The following DIS3L variants were observed in gnomAD, a reference collection of about 807,000 sequenced individuals.
DIS3L encodes DIS3 like exosome 3'-5' exoribonuclease.
Under a neutral mutation model 120.3 loss-of-function variants are expected in DIS3L, and 100 were observed. The observed-to-expected ratio is 0.83, with a 90% CI of 0.71 to 0.98. The LOEUF is 0.98. DIS3L is among the 50% of genes least tolerant of loss of function. The probability of loss-of-function intolerance (pLI) is 0.00; values close to 1 mark genes in which losing one functional copy is unlikely to be tolerated. For missense variants in DIS3L, 1,196 were observed against 1,314.2 expected, an observed-to-expected ratio of 0.91 and a Z score of 1.39; for synonymous variants, 426 against 470.6, an observed-to-expected ratio of 0.91 and a Z score of 1.23.
intron 2 of DIS3L, among the ~76,000 whole-genome samples, chr15:66,296,758 A>G (rs376840122): frequency 2.3e-4 from 35 of 152,070 alleles, no homozygotes; most frequent in African/African-American, 4.8e-4. Flanking sequence ...TCCTTACCTC[A>G]TGATCCGCCT....
At chr15:66,323,810 T>C (rs1193653185) in intron 11 of DIS3L, among the ~76,000 whole-genome samples, 1 of 152,180 alleles carries the variant, frequency 6.6e-6, no homozygotes, top group African/African-American at 2.4e-5. Flanking sequence ...TTCTGTCTGC[T>C]AGCAGTGGGG....
intron 2 of DIS3L, among the ~76,000 whole-genome samples, chr15:66,303,827 C>T (rs1159050881): frequency 1.3e-5 from 2 of 152,050 alleles, no homozygotes; most frequent in Admixed American, 6.6e-5. Context: ...CGCGGTGGCT[C>T]ATGCCTGTAA....
At chr15:66,318,406 C>G in intron 7 of DIS3L, 43 bp from the exon 8 acceptor site, 1 of 1,586,258 alleles carries the variant, frequency 6.3e-7, no homozygotes, top group Non-Finnish European at 8.6e-7. Flanking sequence ...AGATAGATGG[C>G]ACCTAACCAG....
chr15:66,310,338 G>A (rs550549262), intron 4 of DIS3L, among the ~76,000 whole-genome samples: 1 of 152,288 alleles, frequency 6.6e-6, no homozygotes, highest in South Asian at 2.1e-4. Flanking sequence ...TCCTGCAGAG[G>A]ACAGTTGACT....
chr15:66,293,985 AC>A (rs1460000410), intron 1 of DIS3L: 1 of 991,242 alleles, frequency 1.0e-6, no homozygotes, highest in Non-Finnish European at 1.2e-6. Flanking sequence ...GGCCCGACAG[AC>A]CCGCACCCCA....
At chr15:66,321,639 G>A (rs1595750868) in intron 9 of DIS3L, among the ~76,000 whole-genome samples, 2 of 151,776 alleles carry the variant, frequency 1.3e-5, no homozygotes, top group East Asian at 1.9e-4. Flanking sequence ...AGTGGTGGGC[G>A]CCTATAATCC....
In DIS3L at chr15:66,331,894, A is replaced by G. The variant is rs781145069; in HGVS notation, c.2555A>G (p.Lys852Arg). The stretch of plus-strand genomic sequence containing the variant: ...TTACAGGCAGCACAGCATTCTCAGA[A>G]GCAGTCTACTGAGCTCTTCCAGTGC... ...NRNQAAQHSQ[K>R]QSTELFQCMY... is the part of the protein sequence containing the mutation. The change falls in exon 15 of 17, where the codon AAG becomes AGG. Residue 852 changes from lysine (K) to arginine (R), a missense_variant. Lys to Arg is a conservative substitution (Grantham distance 26). Transcript: ENST00000319212. The G allele has an allele frequency of 6.2e-7, 1 of 1,606,664 alleles. No individual in the cohort carries two copies. The highest frequency in any genetic ancestry group is 8.5e-7 in the Non-Finnish European group (1 of 1,176,406).
Position 66,315,044 on chromosome 15 carries a change from A to G in DIS3L, c.823A>G (p.Ser275Gly). ...GASSKDSDLV[S>G]DILIHGMKAR... ...TGCTGCCCCAAACACAGATTTAGTC[A>G]GTGACATCCTAATCCACGGGATGAA... Residue 275 changes from serine to glycine, a missense_variant, in exon 7 of 17, where the codon AGT (serine) becomes GGT (glycine). Physicochemically the swap from Ser to Gly is moderately conservative, Grantham distance 56 (BLOSUM62 0). Coordinates refer to ENST00000319212, the MANE Select transcript of DIS3L (RefSeq NM_001143688.3). The G allele has an allele frequency of 6.2e-7, 1 of 1,613,902 alleles. No homozygotes were observed. Among genetic ancestry groups the G allele is most frequent in the Non-Finnish European group, 8.5e-7 (1 of 1,179,810 alleles).
intron 8 of DIS3L, among the ~76,000 whole-genome samples, chr15:66,320,092 C>T (rs1470950200): frequency 6.6e-6 from 1 of 151,860 alleles, no homozygotes; most frequent in Non-Finnish European, 1.5e-5. Context: ...CCACTGCATT[C>T]CAGCCTGGTT....
intron 11 of DIS3L, 137 bp downstream of exon 11, chr15:66,323,722 AC>A: frequency 1.3e-6 from 1 of 779,418 alleles, no homozygotes; most frequent in Non-Finnish European, 2.1e-6. Flanking sequence ...TCTCAACCTC[AC>A]CCCCGACCCC....
At chr15:66,312,595 A>G (rs971708895) in intron 5 of DIS3L, among the ~76,000 whole-genome samples, 3 of 152,046 alleles carry the variant, frequency 2.0e-5, no homozygotes, top group African/African-American at 4.8e-5. Flanking sequence ...TGCCCCTTTC[A>G]AGGGCCTCTT....
intron 11 of DIS3L, among the ~76,000 whole-genome samples, chr15:66,324,946 AAG>A (rs2092920825): frequency 1.3e-5 from 2 of 152,138 alleles, no homozygotes; most frequent in Admixed American, 1.3e-4. Context: ...CTTGGTGGCA[AAG>A]AGTTTTTTTA....
intron 4 of DIS3L, among the ~76,000 whole-genome samples, chr15:66,310,521 A>G (rs1334391926): frequency 6.6e-6 from 1 of 152,224 alleles, no homozygotes; most frequent in African/African-American, 2.4e-5. Flanking sequence ...AGGGAAGCCT[A>G]GAATTCTCTG....
chr15:66,294,500 TG>T (rs2092564070), intron 1 of DIS3L: 1 of 987,004 alleles, frequency 1.0e-6, no homozygotes. Flanking sequence ...GCAGGTCTGG[TG>T]GGAAACCTCA....
At chr15:66,310,001 T>C (rs1049079467) in intron 4 of DIS3L, among the ~76,000 whole-genome samples, 1 of 152,112 alleles carries the variant, frequency 6.6e-6, no homozygotes, top group African/African-American at 2.4e-5. Context: ...TTTGTGAGAG[T>C]AGGATGACTG....
chr15:66,304,873 C>CCTAGGCAACA (rs2092686584), intron 2 of DIS3L, among the ~76,000 whole-genome samples: 2 of 142,810 alleles, frequency 1.4e-5, no homozygotes, highest in South Asian at 4.5e-4. Context: ...TGCACTCCAA[C>CCTAGGCAACA]CTAGGCAACA....
At chr15:66,294,546 G>A in intron 1 of DIS3L, 1 of 991,264 alleles carries the variant, frequency 1.0e-6, no homozygotes, top group Non-Finnish European at 1.2e-6. Flanking sequence ...CATTTTCTCT[G>A]TTCAATCTTT....
intron 12 of DIS3L, chr15:66,326,667 C>T: frequency 4.2e-6 from 1 of 239,286 alleles, no homozygotes; most frequent in Non-Finnish European, 8.2e-6. Flanking sequence ...GCAACCACCA[C>T]CTCCCAGGTT....
At chr15:66,293,512 C>T (rs1774644840), upstream of DIS3L, 23 of 1,255,014 alleles carry the variant, frequency 1.8e-5, 1 homozygote, top group Non-Finnish European at 2.2e-5. Flanking sequence ...GGAGCCGCGG[C>T]GCCTAGGGCC....
Sources: allele counts gnomAD v4.1 joint callset (sites outside exome capture counted in the v4.1 genomes callset), GRCh38; gene constraint gnomAD v4.1.1; transcripts MANE v1.5; gene names NCBI Gene and HGNC (gene_info 2026-07-23, HGNC 2026-07-21).